GRHL1: variants seen among roughly 807,000 people sequenced by gnomAD.
The protein encoded by GRHL1 is grainyhead-like protein 1 homolog.
Under a neutral mutation model 75.7 loss-of-function variants are expected in GRHL1, and 38 were observed. The observed-to-expected ratio is 0.50, with a 90% CI of 0.39 to 0.66. The LOEUF (loss-of-function observed/expected upper bound fraction) is 0.66. Ranked by LOEUF, GRHL1 falls within the 30% of genes least tolerant of loss-of-function variation. The pLI is 0.00. For missense variants in GRHL1, 589 were observed against 767.5 expected (o/e 0.77, Z 2.75); for synonymous variants, 266 against 279.4 (o/e 0.95, Z 0.48).
chr2:9,980,530 T>G (rs561955664), intron 8 of GRHL1, among the ~76,000 whole-genome samples: 18 of 152,336 alleles, frequency 1.2e-4, no homozygotes, highest in Non-Finnish European at 1.9e-4. Flanking sequence ...AAAGGAATCT[T>G]GTAGAGCACC....
rs1357703273 is a variant in GRHL1 at position 9,951,723 on chromosome 2, GGCCGCCGCTCCGGACCCGCAGCC to G, written c.-102_-80del. 2.9e-6 allele frequency: 3 copies of G among 1,032,804 alleles called. No homozygotes were observed. Among genetic ancestry groups the G allele is most frequent in the African/African-American group, 1.7e-5 (1 of 58,040 alleles). 64.0% of individuals were successfully genotyped at this position (1,032,804 alleles called of 1,614,324 possible). Reference sequence around the variant, plus strand: ...GAGAAAAGCAAACCCAACCCGTCGGGGCCGCCGCTCCGGACCCGCAGCCGCCGCCGCCGCCTCCTCCCCCCGGA... The same window carrying G: ...GAGAAAAGCAAACCCAACCCGTCGGGGCCGCCGCCGCCTCCTCCCCCCGGA... On this transcript the variant is annotated 5_prime_UTR_variant, in exon 1 of 16. Transcript: ENST00000324907. The surrounding 1 kb of genome is among the most constrained non-coding windows in gnomAD (Gnocchi z 4.2).
In GRHL1 at chr2:9,968,413, C is replaced by T. The variant is rs566674239; in HGVS notation, c.1110+3032C>T. The stretch of plus-strand genomic sequence containing the variant: ...ATTTGTCTGCTGTGTAGACGTATTT[C>T]ATTCCTTTTATTGTCCTTCCACAAA... On this transcript the variant is annotated intron_variant, in intron 8 of 15. Transcript: ENST00000324907. This position sits in a 1 kb window ranked among gnomAD's most constrained non-coding sequence, Gnocchi z 4.7. Among the ~76,000 whole-genome samples the T allele has an allele frequency of 5.3e-5, 8 of 152,310 alleles. No homozygotes were observed. The highest frequency in any genetic ancestry group is 8.8e-5 in the Non-Finnish European group (6 of 68,026).
intron 8 of GRHL1, among the ~76,000 whole-genome samples, chr2:9,979,925 T>A (rs1668121210): frequency 6.6e-6 from 1 of 152,244 alleles, no homozygotes; most frequent in Non-Finnish European, 1.5e-5. Flanking sequence ...TTTCTATAAT[T>A]TCTCTCCACA....
intron 8 of GRHL1, among the ~76,000 whole-genome samples, chr2:9,976,199 G>C (rs1399987186): frequency 6.6e-6 from 1 of 152,202 alleles, no homozygotes; most frequent in Admixed American, 6.5e-5. Flanking sequence ...TCAGAACTCA[G>C]TGGGAGGATT....
chr2:9,957,001 TC>T (rs139890875), intron 2 of GRHL1, among the ~76,000 whole-genome samples: 26,663 of 142,550 alleles, frequency 0.19, 2,602 homozygotes, highest in African/African-American at 0.22. Flanking sequence ...TTCTTCTTCT[TC>T]TTTTTTTTTT....
chr2:9,954,800 T>C (rs546824587), intron 1 of GRHL1, 115 bp from the exon 2 acceptor site: 1 of 893,718 alleles, frequency 1.1e-6, no homozygotes, highest in African/African-American at 1.6e-5. Context: ...TTTGACTTCC[T>C]AGGGTCATTG....
chr2:9,956,078 A>G (rs1040468117), intron 2 of GRHL1, among the ~76,000 whole-genome samples: 3 of 152,252 alleles, frequency 2.0e-5, no homozygotes, highest in South Asian at 4.1e-4. Flanking sequence ...GTGTCTTCTC[A>G]TGAATGTAGT....
chr2:9,967,393 T>C lies in GRHL1; in HGVS notation c.1110+2012T>C, dbSNP rs960160037. On this transcript the variant is annotated intron_variant, in intron 8 of 15. Coordinates refer to ENST00000324907, the MANE Select transcript of GRHL1 (RefSeq NM_198182.3). ...GTGTCACTCTTTGGGGTGGGAGTAA[T>C]GAAAGCCAAGATGACGGGTAGGGAT... Among the ~76,000 whole-genome samples the C allele has an allele frequency of 8.5e-5, 13 of 152,236 alleles. 1 individual carries two copies. Among genetic ancestry groups the C allele is most frequent in the African/African-American group, 2.9e-4 (12 of 41,468 alleles).
chr2:9,963,486 A>G (rs1667358275), intron 5 of GRHL1, among the ~76,000 whole-genome samples: 1 of 152,240 alleles, frequency 6.6e-6, no homozygotes, highest in Admixed American at 6.5e-5. Flanking sequence ...AAAGACATTT[A>G]AATTACAAGT....
At chr2:9,979,574 C>T (rs1668109442) in intron 8 of GRHL1, among the ~76,000 whole-genome samples, 1 of 151,928 alleles carries the variant, frequency 6.6e-6, no homozygotes, top group Admixed American at 6.6e-5. Context: ...TTATGAAAGT[C>T]TTATGGAAAT....
At chr2:9,960,077 C>A (rs775787531) in intron 3 of GRHL1, 4 of 152,090 alleles carry the variant, frequency 2.6e-5, no homozygotes, top group Non-Finnish European at 5.9e-5. Context: ...TTTATCAAAC[C>A]AAAATTTAAT....
chr2:9,989,703 C>T (rs1668561876), intron 9 of GRHL1, among the ~76,000 whole-genome samples: 1 of 152,110 alleles, frequency 6.6e-6, no homozygotes, highest in African/African-American at 2.4e-5. Flanking sequence ...CATGCATCAC[C>T]ACGCCCGGCT....
rs532368080 is a variant in GRHL1 at position 10,000,848 on chromosome 2, C to T, written c.*141C>T. 1.5e-5 allele frequency: 8 copies of T among 527,652 alleles called. No individual in the cohort carries two copies. Among genetic ancestry groups the T allele is most frequent in the Admixed American group, 1.1e-4 (3 of 28,556 alleles). 32.7% of individuals were successfully genotyped at this position (527,652 alleles called of 1,614,324 possible). A position where few individuals can be genotyped will look rare whatever the true frequency, so the allele number is the denominator to read the frequency against. ...GAATGGGTTCCTTGCAGGTTGGAGG[C>T]GGGGCTGCATCTGGCTTGGTGGTAG... On this transcript the variant is annotated 3_prime_UTR_variant, in exon 16 of 16. Transcript: ENST00000324907.
At chr2:9,980,909 G>T (rs1347013776) in intron 8 of GRHL1, among the ~76,000 whole-genome samples, 1 of 152,206 alleles carries the variant, frequency 6.6e-6, no homozygotes, top group Non-Finnish European at 1.5e-5. Flanking sequence ...AGATAGTGGA[G>T]TGTTTTCTGT....
At chr2:9,994,192 A>C (rs1339190353) in intron 12 of GRHL1, among the ~76,000 whole-genome samples, 2 of 152,086 alleles carry the variant, frequency 1.3e-5, no homozygotes, top group African/African-American at 4.8e-5. Context: ...AGGCCCATGT[A>C]GGAGTGCAGG....
intron 8 of GRHL1, among the ~76,000 whole-genome samples, chr2:9,983,878 C>T (rs1358858810): frequency 2.6e-5 from 4 of 151,076 alleles, no homozygotes; most frequent in Non-Finnish European, 2.9e-5. Flanking sequence ...AAAATGTGGC[C>T]GGGAGTGGTG....
chr2:9,998,296 C>T (rs1009231272), intron 14 of GRHL1, among the ~76,000 whole-genome samples: 1 of 151,218 alleles, frequency 6.6e-6, no homozygotes, highest in African/African-American at 2.4e-5. Flanking sequence ...AGCCACAGCT[C>T]CCCAGAAGCT....
intron 8 of GRHL1, among the ~76,000 whole-genome samples, chr2:9,982,409 A>G (rs1668239256): frequency 6.6e-6 from 1 of 152,232 alleles, no homozygotes; most frequent in Non-Finnish European, 1.5e-5. Context: ...CAAAAAAAAC[A>G]GTCCCAGCAT....
chr2:10,000,455 A>C, intron 15 of GRHL1, 138 bp from the exon 16 acceptor site: 2 of 613,348 alleles, frequency 3.3e-6, no homozygotes, highest in South Asian at 4.9e-5. Context: ...ATAGATGAGG[A>C]AGTTGAGGCT....
Sources: gnomAD v4.1 joint callset for allele counts (sites outside exome capture counted in the v4.1 genomes callset) on GRCh38, gnomAD v4.1.1 for gene constraint, Gnocchi (gnomAD v3.1) non-coding constraint, MANE v1.5 for transcripts, NCBI Gene and HGNC (gene_info 2026-07-23, HGNC 2026-07-21) for gene names.